The following ATP1B3 variants were observed in gnomAD, a reference collection of about 807,000 sequenced individuals.
ATP1B3 encodes the protein sodium/potassium-transporting ATPase subunit beta-3.
A neutral mutation model predicts 30.2 loss-of-function variants in ATP1B3; 10 were observed. The observed-to-expected ratio is 0.33, with a 90% CI of 0.20 to 0.56. The LOEUF is 0.56. Among genes scored for constraint, ATP1B3 ranks in the 20% least tolerant of loss-of-function variants. The pLI is 0.90. For missense variants in ATP1B3, 238 were observed against 336.7 expected, an observed-to-expected ratio of 0.71 and a Z score of 2.29; for synonymous variants, 113 against 117.0, an observed-to-expected ratio of 0.97 and a Z score of 0.22.
intron 1 of ATP1B3, among the ~76,000 whole-genome samples, chr3:141,886,541 A>G (rs1372919825): frequency 1.3e-5 from 2 of 152,204 alleles, no homozygotes; most frequent in East Asian, 3.9e-4. Context: ...CATCATAATA[A>G]AAAGTGAACT....
chr3:141,922,671 TGAAAA>T (rs1045780276), intron 6 of ATP1B3, among the ~76,000 whole-genome samples: 3 of 150,744 alleles, frequency 2.0e-5, no homozygotes, highest in Admixed American at 6.6e-5. Context: ...AAAAAATAAA[TGAAAA>T]GAAAATCAAG....
At chr3:141,896,734 T>G (rs932561197) in intron 1 of ATP1B3, among the ~76,000 whole-genome samples, 8 of 152,210 alleles carry the variant, frequency 5.3e-5, no homozygotes, top group African/African-American at 1.9e-4. Flanking sequence ...CAGAATATGA[T>G]ATCTAATTTT....
At chr3:141,904,957 C>G (rs547976785) in intron 2 of ATP1B3, among the ~76,000 whole-genome samples, 2 of 151,974 alleles carry the variant, frequency 1.3e-5, no homozygotes, top group Admixed American at 1.3e-4. Flanking sequence ...GCGATCCACC[C>G]GCCTCGGCCT....
chr3:141,894,435 G>T (rs1934020655), intron 1 of ATP1B3, among the ~76,000 whole-genome samples: 1 of 151,968 alleles, frequency 6.6e-6, no homozygotes, highest in African/African-American at 2.4e-5. Flanking sequence ...TGGGATTGCA[G>T]GTGTGAGCCT....
At chr3:141,879,779 A>AAAAAAAAAAACC (rs71153922) in intron 1 of ATP1B3, among the ~76,000 whole-genome samples, 16,683 of 125,796 alleles carry the variant, frequency 0.13, 1,488 homozygotes, top group East Asian at 0.37. Context: ...TCTCCATCTC[A>AAAAAAAAAAACC]AAAAAAAAAA....
intron 1 of ATP1B3, among the ~76,000 whole-genome samples, chr3:141,883,508 C>T (rs990525914): frequency 2.6e-5 from 4 of 151,934 alleles, no homozygotes; most frequent in Non-Finnish European, 4.4e-5. Context: ...ATAGAGTTAG[C>T]CTATCTAAAA....
At chr3:141,905,850 G>GTTT (rs1934254432) in intron 2 of ATP1B3, among the ~76,000 whole-genome samples, 2 of 151,880 alleles carry the variant, frequency 1.3e-5, no homozygotes, top group African/African-American at 2.4e-5. Context: ...ATATTTTTAA[G>GTTT]TACACAGTTT....
chr3:141,891,891 C>CTTT (rs72396246), intron 1 of ATP1B3, among the ~76,000 whole-genome samples: 13 of 117,976 alleles, frequency 1.1e-4, no homozygotes, highest in Admixed American at 2.5e-4. Flanking sequence ...AATGTGGCCT[C>CTTT]TTTTTTTTTT....
intron 5 of ATP1B3, among the ~76,000 whole-genome samples, chr3:141,917,290 A>G (rs1934482126): frequency 6.6e-6 from 1 of 152,172 alleles, no homozygotes; most frequent in Non-Finnish European, 1.5e-5. Flanking sequence ...AGTAGCATAA[A>G]AAGCCAGGAA....
At chr3:141,895,924 T>A (rs2107769353) in intron 1 of ATP1B3, among the ~76,000 whole-genome samples, 1 of 152,314 alleles carries the variant, frequency 6.6e-6, no homozygotes, top group South Asian at 2.1e-4. Flanking sequence ...CTGGTGGGTA[T>A]GTAGTGGAGC....
chr3:141,892,665 A>AC (rs1933978189), intron 1 of ATP1B3, among the ~76,000 whole-genome samples: 1 of 151,518 alleles, frequency 6.6e-6, no homozygotes, highest in East Asian at 1.9e-4. Flanking sequence ...AAAAAAAAAA[A>AC]AAAAAAAAAA....
intron 1 of ATP1B3, among the ~76,000 whole-genome samples, chr3:141,879,778 C>CAAAAAAAAAAA (rs199509329): frequency 3.5e-5 from 2 of 57,610 alleles, no homozygotes; most frequent in African/African-American, 1.8e-4. Flanking sequence ...GTCTCCATCT[C>CAAAAAAAAAAA]AAAAAAAAAA....
rs546891315 is a variant in ATP1B3 at position 141,887,278 on chromosome 3, G to T, written c.109+10368G>T. 1.3e-3 allele frequency among the ~76,000 whole-genome samples: 205 copies of T among 152,302 alleles called. 1 individual carries two copies. The highest frequency in any genetic ancestry group is 5.0e-3 in the South Asian group (24 of 4,832). ...CTTTAGAAGTTAGAGTTGGTGAGTGGTCAGTGTAGTCTGACTCAAGAAATC... is the reference window on the plus strand; with the variant it reads ...CTTTAGAAGTTAGAGTTGGTGAGTGTTCAGTGTAGTCTGACTCAAGAAATC... On this transcript the variant is annotated intron_variant, in intron 1 of 6. Transcript: ENST00000286371.
At chr3:141,881,983 C>T (rs1933735523) in intron 1 of ATP1B3, among the ~76,000 whole-genome samples, 2 of 152,018 alleles carry the variant, frequency 1.3e-5, no homozygotes, top group African/African-American at 2.4e-5. Flanking sequence ...GTTACAATAC[C>T]ATTGTAATTA....
intron 1 of ATP1B3, among the ~76,000 whole-genome samples, chr3:141,890,091 T>C (rs1487841606): frequency 3.2e-4 from 40 of 123,270 alleles, no homozygotes; most frequent in Admixed American, 7.3e-4. Context: ...TTTTTCTTTT[T>C]TTTTTTTTTT....
chr3:141,906,691 G>A (rs1354778624), intron 2 of ATP1B3, among the ~76,000 whole-genome samples: 2 of 152,152 alleles, frequency 1.3e-5, no homozygotes, highest in East Asian at 1.9e-4. Context: ...AAGAATATTT[G>A]CCATAAAGTT....
intron 1 of ATP1B3, among the ~76,000 whole-genome samples, chr3:141,901,579 G>A (rs1934163972): frequency 6.6e-6 from 1 of 152,110 alleles, no homozygotes; most frequent in Non-Finnish European, 1.5e-5. Context: ...TTGGGACATA[G>A]CTGTTGATTT....
At chr3:141,907,050 T>G (rs2107774113) in intron 2 of ATP1B3, 117 bp from the exon 3 acceptor site, 1 of 644,946 alleles carries the variant, frequency 1.6e-6, no homozygotes, top group Non-Finnish European at 2.5e-6. Context: ...CTTGATAGTT[T>G]CAGCATACTG....
At chr3:141,901,805 A>C (rs1934167153) in intron 1 of ATP1B3, among the ~76,000 whole-genome samples, 1 of 152,242 alleles carries the variant, frequency 6.6e-6, no homozygotes, top group Non-Finnish European at 1.5e-5. Flanking sequence ...GATGACTTAA[A>C]AACACTGCTA....
Sources: gnomAD v4.1 joint callset for allele counts (sites outside exome capture counted in the v4.1 genomes callset) on GRCh38, gnomAD v4.1.1 for gene constraint, MANE v1.5 for transcripts, NCBI Gene and HGNC (gene_info 2026-07-23, HGNC 2026-07-21) for gene names.